SYNE2: variants seen among roughly 807,000 people sequenced by gnomAD.
SYNE2 encodes spectrin repeat containing nuclear envelope protein 2.
A neutral mutation model predicts 856.3 loss-of-function variants in SYNE2; 431 were observed. The ratio of observed to expected loss-of-function variants is 0.50; its 90% CI spans 0.47 to 0.55. The LOEUF is 0.55. Ranked by LOEUF, SYNE2 falls within the 20% of genes least tolerant of loss-of-function variation. The probability of loss-of-function intolerance (pLI) is 0.00; values close to 1 mark genes in which losing one functional copy is unlikely to be tolerated. For missense variants in SYNE2, 8,129 were observed against 8,023.2 expected, an observed-to-expected ratio of 1.01 and a Z score of -0.50; for synonymous variants, 2,923 against 2,872.3, an observed-to-expected ratio of 1.02 and a Z score of -0.56.
At chr14:64,114,072 A>G (rs925872032) in intron 66 of SYNE2, among the ~76,000 whole-genome samples, 21 of 152,234 alleles carry the variant, frequency 1.4e-4, no homozygotes, top group Non-Finnish European at 2.9e-4. Flanking sequence ...TTCATTCATC[A>G]TAAATGAAAC....
At chr14:63,989,898 C>T (rs567719884) in intron 19 of SYNE2, among the ~76,000 whole-genome samples, 42 of 152,338 alleles carry the variant, frequency 2.8e-4, no homozygotes, top group Admixed American at 9.1e-4. Context: ...GATCAGCCCA[C>T]TTCAGCCTCC....
chr14:63,820,062 G>C (rs2139860811), intron 1 of SYNE2, among the ~76,000 whole-genome samples: 1 of 151,762 alleles, frequency 6.6e-6, no homozygotes, highest in Admixed American at 6.6e-5. Flanking sequence ...GCCAAAAAAA[G>C]ACCATAACTA....
chr14:64,142,048 G>A lies in SYNE2; in HGVS notation c.15266G>A (p.Ser5089Asn). The A allele has an allele frequency of 6.2e-7, 1 of 1,614,118 alleles. No individual in the cohort carries two copies. Among genetic ancestry groups the A allele is most frequent in the Non-Finnish European group, 8.5e-7 (1 of 1,180,014 alleles). ...TSDEDSVHSP[S>N]SASQVKHLLQ... is the part of the protein sequence containing the mutation. ...GATGAAGACTCCGTGCATTCACCAA[G>A]TTCTGCATCTCAAGTTAAACATCTT... Residue 5089 changes from serine (S) to asparagine (N), a missense_variant, in exon 82 of 116, where the codon AGT becomes AAT. This residue lies in a region of SYNE2 where 5,410 missense variants were observed against 5,284.8 expected (regional missense o/e 1.02). Transcript: ENST00000555002.
intron 1 of SYNE2, among the ~76,000 whole-genome samples, chr14:63,856,305 T>G (rs1277841199): frequency 1.3e-5 from 2 of 152,216 alleles, no homozygotes; most frequent in Non-Finnish European, 2.9e-5. Context: ...AATAACTTTC[T>G]GAGATTATGC....
At chr14:63,819,906 T>C (rs1889149946) in intron 1 of SYNE2, among the ~76,000 whole-genome samples, 1 of 152,210 alleles carries the variant, frequency 6.6e-6, no homozygotes, top group Non-Finnish European at 1.5e-5. Context: ...CAATAATATA[T>C]TTTAAAAATA....
intron 96 of SYNE2, 50 bp downstream of exon 96, chr14:64,177,533 A>C: frequency 6.2e-7 from 1 of 1,611,400 alleles, no homozygotes; most frequent in Non-Finnish European, 8.5e-7. Context: ...CTGTTTTCTG[A>C]GTACTTTGAA....
In SYNE2 at chr14:64,055,808, A is replaced by G. The variant is rs2097263926; in HGVS notation, c.9745-136A>G. ...ACAAACCTGCACATTGTGCACATGT[A>G]CCCTAAAACTTAAAGTATAATAATA... On this transcript the variant is annotated intron_variant, in intron 48 of 115. Transcript: ENST00000555002. 2.4e-5 allele frequency: 14 copies of G among 589,684 alleles called. No individual in the cohort carries two copies. In the South Asian group the frequency reaches 3.3e-4, roughly 14 times the overall value. The allele number at this position is 589,684 out of a possible 1,614,324, so 36.5% of individuals were successfully genotyped here.
At chr14:64,028,831 C>G in intron 43 of SYNE2, among the ~76,000 whole-genome samples, 1 of 152,122 alleles carries the variant, frequency 6.6e-6, no homozygotes, top group East Asian at 1.9e-4. Context: ...CCTGCCTGAT[C>G]TTCAGTAAAA....
At chr14:64,157,101 A>T (rs765249121) in intron 85 of SYNE2, among the ~76,000 whole-genome samples, 15 of 152,240 alleles carry the variant, frequency 9.9e-5, no homozygotes, top group Non-Finnish European at 2.2e-4. Flanking sequence ...ATTGAGATAT[A>T]ATTCACATAC....
rs1030608962 is a variant in SYNE2, at chr14:64,056,204, A to T, written c.10005A>T (p.Glu3335Asp). The change falls in exon 49 of 116, where the codon GAA becomes GAT. Residue 3335 changes from glutamate (E) to aspartate (D), a missense_variant. By Grantham distance (45) the Glu-to-Asp change is conservative (BLOSUM62 2). Coordinates refer to ENST00000555002, the MANE Select transcript of SYNE2 (RefSeq NM_182914.3). ...AKLQLQYTLQ[E>D]LVSKNSAMKE... is the part of the protein sequence containing the mutation. ...TACAACTTCAGTATACTTTACAGGA[A>T]CTAGTTTCTAAGAACTCAGCAATGA... The T allele has an allele frequency of 6.2e-6, 10 of 1,613,980 alleles. No homozygotes were observed. Among genetic ancestry groups the T allele is most frequent in the African/African-American group, 1.3e-5 (1 of 74,928 alleles).
chr14:64,140,935 T>TTC (rs2098134358), intron 80 of SYNE2, among the ~76,000 whole-genome samples: 1 of 152,202 alleles, frequency 6.6e-6, no homozygotes, highest in African/African-American at 2.4e-5. Flanking sequence ...CTATGATTAC[T>TTC]AACTTTGCTA....
Position 64,225,443 on chromosome 14 carries a change from G to T in SYNE2, c.20641G>T (p.Asp6881Tyr). Residue 6881 changes from aspartate to tyrosine, a missense_variant, in exon 116 of 116, where the codon GAC (aspartate) becomes TAC (tyrosine). Asp to Tyr is a radical substitution (Grantham distance 160, BLOSUM62 -3). This residue lies in a region of SYNE2 where 5,410 missense variants were observed against 5,284.8 expected (regional missense o/e 1.02). Coordinates refer to ENST00000555002, the MANE Select transcript of SYNE2 (RefSeq NM_182914.3). ...LACLLPSSEE[D>Y]YSCTQANNFA... ...CTGCCTGCTGCCCTCCTCCGAAGAAGACTACAGCTGCACTCAGGCCAACAA... is the reference window on the plus strand; with the variant it reads ...CTGCCTGCTGCCCTCCTCCGAAGAATACTACAGCTGCACTCAGGCCAACAA... The T allele has an allele frequency of 6.2e-7, 1 of 1,614,158 alleles. No individual in the cohort carries two copies. The highest frequency in any genetic ancestry group is 8.5e-7 in the Non-Finnish European group (1 of 1,180,014).
At chr14:64,094,942 A>C (rs1178375172) in intron 61 of SYNE2, 1 of 168,100 alleles carries the variant, frequency 5.9e-6, no homozygotes, top group Non-Finnish European at 1.5e-5. Context: ...TAGAAGTAAC[A>C]TTTTTTTAAA....
Position 64,148,626 on chromosome 14 carries a change from C to A in SYNE2, c.15639+2403C>A, listed in dbSNP as rs184932723. ...CTCACCACGTGCCCACTGACTGTGC[C>A]TTCCTACCTACTCCCACATTTCCAT... On this transcript the variant is annotated intron_variant, in intron 84 of 115. Coordinates refer to ENST00000555002, the MANE Select transcript of SYNE2 (RefSeq NM_182914.3). Among the ~76,000 whole-genome samples the A allele has an allele frequency of 2.4e-3, 366 of 152,308 alleles. 1 individual carries two copies. The highest frequency in any genetic ancestry group is 8.2e-3 in the African/African-American group (341 of 41,564).
At chr14:64,018,209 G>A (rs2096908730) in intron 34 of SYNE2, among the ~76,000 whole-genome samples, 2 of 152,152 alleles carry the variant, frequency 1.3e-5, no homozygotes, top group Admixed American at 6.6e-5. Flanking sequence ...CTCCCGGGTA[G>A]CAATACAGAC....
chr14:63,772,633 T>C (rs12897637), intron 1 of SYNE2, among the ~76,000 whole-genome samples: 29,998 of 149,866 alleles, frequency 0.2, 3,305 homozygotes, highest in African/African-American at 0.29. Flanking sequence ...ATCCCAGCTA[T>C]TCGGGAGGCT....
At chr14:63,940,564 G>A (rs954495507) in intron 2 of SYNE2, 50 bp from the exon 3 acceptor site, 2 of 1,558,186 alleles carry the variant, frequency 1.3e-6, no homozygotes, top group East Asian at 2.2e-5. Flanking sequence ...ATGTGCAGGA[G>A]GTTTCTGAGG....
At chr14:63,948,927 T>C (rs1194522172) in intron 6 of SYNE2, among the ~76,000 whole-genome samples, 3 of 151,084 alleles carry the variant, frequency 2.0e-5, no homozygotes, top group Non-Finnish European at 4.4e-5. Context: ...TTTCAGTCTT[T>C]CACAATTGCT....
intron 1 of SYNE2, among the ~76,000 whole-genome samples, chr14:63,833,024 T>TA (rs140825007): frequency 0.02 from 3,010 of 150,234 alleles, 52 homozygotes; most frequent in Non-Finnish European, 0.033. Context: ...AGACCCTGTA[T>TA]AAAAAAAGTA....
Sources: gnomAD v4.1 joint callset for allele counts (sites outside exome capture counted in the v4.1 genomes callset) on GRCh38, gnomAD v4.1.1 for gene constraint, gnomAD v4.1.1 regional missense constraint, MANE v1.5 for transcripts, NCBI Gene and HGNC (gene_info 2026-07-23, HGNC 2026-07-21) for gene names.